The following CCDC91 variants were observed in gnomAD, a reference collection of about 807,000 sequenced individuals.
The protein encoded by CCDC91 is coiled-coil domain containing 91.
CCDC91 carries 48 observed loss-of-function variants against 63.2 expected under a neutral mutation model. That is an observed-to-expected ratio of 0.76 (90% confidence interval 0.60 to 0.97). The LOEUF is 0.97. Among genes scored for constraint, CCDC91 ranks in the 50% least tolerant of loss-of-function variants. CCDC91 has a pLI of 0.00. For missense variants in CCDC91, 500 were observed against 494.6 expected (o/e 1.01, Z -0.10); for synonymous variants, 167 against 165.8 (o/e 1.01, Z -0.06).
At chr12:28,413,001 A>G (rs1247671731) in intron 8 of CCDC91, 1 of 215,154 alleles carries the variant, frequency 4.6e-6, no homozygotes, top group African/African-American at 2.4e-5. Context: ...TGGAATCTAT[A>G]TTAATAGGCT....
At chr12:28,479,899 A>G (rs1243814245) in intron 11 of CCDC91, among the ~76,000 whole-genome samples, 1 of 152,006 alleles carries the variant, frequency 6.6e-6, no homozygotes, top group Non-Finnish European at 1.5e-5. Context: ...AAGGATGACT[A>G]TGTATGAGAT....
At chr12:28,478,964 C>T (rs1951282533) in intron 11 of CCDC91, among the ~76,000 whole-genome samples, 1 of 152,122 alleles carries the variant, frequency 6.6e-6, no homozygotes, top group Non-Finnish European at 1.5e-5. Flanking sequence ...CGGGAAACAA[C>T]AGGTGCTGGA....
intron 6 of CCDC91, among the ~76,000 whole-genome samples, chr12:28,309,044 G>A (rs1022108016): frequency 2.0e-5 from 3 of 152,020 alleles, no homozygotes; most frequent in Non-Finnish European, 4.4e-5. Flanking sequence ...AGGTGAATGT[G>A]TGAGTATGCG....
intron 8 of CCDC91, among the ~76,000 whole-genome samples, chr12:28,426,582 C>T (rs1948329316): frequency 6.6e-6 from 1 of 151,932 alleles, no homozygotes; most frequent in South Asian, 2.1e-4. Flanking sequence ...GTAATTTTTG[C>T]CTTAGTCATG....
chr12:28,427,549 T>G (rs1202678845), intron 8 of CCDC91, among the ~76,000 whole-genome samples: 1 of 152,092 alleles, frequency 6.6e-6, no homozygotes, highest in Non-Finnish European at 1.5e-5. Flanking sequence ...TTCATATTTA[T>G]CCTCACTCAG....
chr12:28,526,688 C>G (rs1238393706), intron 12 of CCDC91, among the ~76,000 whole-genome samples: 1 of 152,042 alleles, frequency 6.6e-6, no homozygotes, highest in East Asian at 1.9e-4. Context: ...AATTATTCCC[C>G]CAAATATATT....
intron 11 of CCDC91, among the ~76,000 whole-genome samples, chr12:28,476,145 T>G (rs1226597831): frequency 6.6e-6 from 1 of 152,048 alleles, no homozygotes; most frequent in East Asian, 1.9e-4. Flanking sequence ...TCTCGTAACT[T>G]TAAATGAAAC....
chr12:28,504,133 A>G (rs1327961587), intron 12 of CCDC91, among the ~76,000 whole-genome samples: 5 of 151,626 alleles, frequency 3.3e-5, no homozygotes, highest in South Asian at 2.1e-4. Context: ...CCAAAAAAAA[A>G]TAAGTATATT....
At chr12:28,455,862 AT>A (rs1232991265) in intron 11 of CCDC91, among the ~76,000 whole-genome samples, 1 of 152,074 alleles carries the variant, frequency 6.6e-6, no homozygotes, top group East Asian at 1.9e-4. Flanking sequence ...AGTAGGTACT[AT>A]TATTATCCCC....
At chr12:28,406,810 A>ATTTTTTTTTTTTTTTTTTTTTTTTT (rs375722489) in intron 8 of CCDC91, among the ~76,000 whole-genome samples, 1 of 148,092 alleles carries the variant, frequency 6.8e-6, no homozygotes, top group Non-Finnish European at 1.5e-5. Flanking sequence ...GATTTTAACT[A>ATTTTTTTTTTTTTTTTTTTTTTTTT]TTTTTTTTTG....
chr12:28,427,037 C>T (rs779483741), intron 8 of CCDC91, among the ~76,000 whole-genome samples: 1 of 152,098 alleles, frequency 6.6e-6, no homozygotes, highest in African/African-American at 2.4e-5. Flanking sequence ...CTTTGGCTTC[C>T]CTAAGAACTC....
intron 1 of CCDC91, among the ~76,000 whole-genome samples, chr12:28,239,762 A>G (rs1945211636): frequency 1.3e-5 from 2 of 152,200 alleles, no homozygotes; most frequent in Admixed American, 6.5e-5. Context: ...ACTTAGAACT[A>G]TAGACTATAT....
At chr12:28,471,875 T>C (rs944128565) in intron 11 of CCDC91, among the ~76,000 whole-genome samples, 2 of 151,902 alleles carry the variant, frequency 1.3e-5, no homozygotes, top group African/African-American at 4.8e-5. Context: ...TCAGCCTCCC[T>C]GAGTAGCTGG....
intron 8 of CCDC91, among the ~76,000 whole-genome samples, chr12:28,413,662 G>C (rs560510860): frequency 2.6e-5 from 4 of 152,160 alleles, no homozygotes; most frequent in Non-Finnish European, 5.9e-5. Context: ...TCTTAGTATA[G>C]CGTTGTCACT....
chr12:28,293,957 G>A (rs180813759), intron 3 of CCDC91, among the ~76,000 whole-genome samples: 4 of 151,846 alleles, frequency 2.6e-5, no homozygotes, highest in Admixed American at 6.6e-5. Context: ...ACACACACAC[G>A]CCCAAAATCT....
intron 1 of CCDC91, among the ~76,000 whole-genome samples, chr12:28,205,311 A>G (rs191178545): frequency 6.6e-6 from 1 of 152,196 alleles, no homozygotes; most frequent in Admixed American, 6.5e-5. Flanking sequence ...ATTAGAAGTC[A>G]TTTATAGATA....
intron 8 of CCDC91, among the ~76,000 whole-genome samples, chr12:28,400,454 G>T (rs1435497658): frequency 4.6e-5 from 7 of 151,554 alleles, no homozygotes; most frequent in African/African-American, 4.9e-5. Context: ...ATGCCCTGGA[G>T]ATATTTTCCC....
chr12:28,418,707 T>C (rs1411535721), intron 8 of CCDC91, among the ~76,000 whole-genome samples: 1 of 152,148 alleles, frequency 6.6e-6, no homozygotes. Context: ...ACTGGATTCT[T>C]AGAATGAAAG....
At position 28,428,589 on chromosome 12, in the gene CCDC91, A is replaced by G. The variant is rs1343497651; in HGVS notation, c.763-21572A>G. 1.6e-4 allele frequency among the ~76,000 whole-genome samples: 24 copies of G among 150,986 alleles called. 1 individual carries two copies. Among genetic ancestry groups the G allele is most frequent in the Admixed American group, 1.3e-3 (20 of 15,172 alleles). ...CGTCTCTCCCCAAAAAAAAAAAAAA[A>G]AAAAAAAAAGAAAGAAAAATATCTT... On this transcript the variant is annotated intron_variant, in intron 8 of 12. Coordinates refer to ENST00000536442, the MANE Select transcript of CCDC91 (RefSeq NM_018318.5).
Sources: allele counts gnomAD v4.1 joint callset (sites outside exome capture counted in the v4.1 genomes callset), GRCh38; gene constraint gnomAD v4.1.1; transcripts MANE v1.5; gene names NCBI Gene and HGNC (gene_info 2026-07-23, HGNC 2026-07-21).